SMG6: variants seen among roughly 807,000 people sequenced by gnomAD.
The protein encoded by SMG6 is telomerase-binding protein EST1A.
Under a neutral mutation model 142.2 loss-of-function variants are expected in SMG6, and 66 were observed. The observed-to-expected ratio is 0.46, with a 90% CI of 0.38 to 0.57. The LOEUF (loss-of-function observed/expected upper bound fraction) is 0.57, where lower values mean the gene tolerates loss of function less well. Ranked by LOEUF, SMG6 falls within the 20% of genes least tolerant of loss-of-function variation. SMG6 has a pLI of 0.00. For missense variants in SMG6, 1,793 were observed against 1,832.0 expected (o/e 0.98, Z 0.39); for synonymous variants, 779 against 702.4 (o/e 1.11, Z -1.72).
intron 10 of SMG6, chr17:2,235,695 AAAT>A (rs1347550413): frequency 2.0e-5 from 3 of 152,630 alleles, no homozygotes. Flanking sequence ...CAGACACAGA[AAAT>A]AATGTCATCC....
chr17:2,293,448 T>C (rs1485197692), intron 4 of SMG6, among the ~76,000 whole-genome samples: 3 of 135,800 alleles, frequency 2.2e-5, no homozygotes, highest in African/African-American at 7.7e-5. Context: ...ATGAAAACAA[T>C]TGTTTACTCT....
intron 16 of SMG6, 124 bp from the exon 17 acceptor site, chr17:2,065,803 C>T: frequency 1.2e-6 from 1 of 809,764 alleles, no homozygotes; most frequent in South Asian, 1.7e-5. Context: ...CCACAGGAGT[C>T]TTCCAATGAA....
At chr17:2,269,168 C>T (rs1306685238) in intron 8 of SMG6, among the ~76,000 whole-genome samples, 1 of 143,214 alleles carries the variant, frequency 7.0e-6, no homozygotes, top group African/African-American at 2.6e-5. Context: ...TGCAGTGAGC[C>T]GAGATCGCAG....
intron 8 of SMG6, among the ~76,000 whole-genome samples, chr17:2,274,497 G>A (rs62066960): frequency 0.023 from 3,496 of 152,270 alleles, 55 homozygotes; most frequent in East Asian, 0.074. Context: ...CAAAAGGAGA[G>A]AGAACAAGGT....
intron 18 of SMG6, 39 bp from the exon 19 acceptor site, chr17:2,061,661 A>G: frequency 6.4e-7 from 1 of 1,551,922 alleles, no homozygotes; most frequent in Non-Finnish European, 8.7e-7. Flanking sequence ...CACTGAGGAC[A>G]GGAGGCAGAG....
In SMG6 at chr17:2,236,554, C is replaced by T. The variant is rs764863032; in HGVS notation, c.2807G>A (p.Ser936Asn). The change falls in exon 10 of 19, where the codon AGT becomes AAT. Residue 936 changes from serine to asparagine, a missense_variant. Around this residue, in one of 3 missense-constraint regions of SMG6, gnomAD observed 1,597 missense variants for 1,584.6 expected, o/e 1.01. Transcript: ENST00000263073. ...GGTCATAAGCTGCAGCATGCGGGTA[C>T]TTCCAATGGGAGAGGGGCTGTGCTG... ...LLQHSPSPIG[S>N]TRMLQLMTIN... 7 of 1,613,578 alleles carry T rather than the reference C, an allele frequency of 4.3e-6. No homozygotes were observed. The Admixed American group carries it at 6.7e-5, about 15-fold the overall frequency.
In SMG6 at chr17:2,189,131, C is replaced by T. The variant is rs556970775; in HGVS notation, c.2870-616G>A. Among the ~76,000 whole-genome samples the T allele has an allele frequency of 3.7e-4, 56 of 152,294 alleles. 3 individuals carry two copies. In the South Asian group the frequency reaches 8.1e-3, roughly 22 times the overall value. ...AGAACAGTGCTTGGCACATAATAAG[C>T]ACTTAATCAGTGTTGGCTTTTGTTT... On this transcript the variant is annotated intron_variant, in intron 10 of 18. Coordinates refer to ENST00000263073, the MANE Select transcript of SMG6 (RefSeq NM_017575.5).
intron 12 of SMG6, 185 bp from the exon 13 acceptor site, chr17:2,173,044 G>A: frequency 1.6e-6 from 1 of 614,584 alleles, no homozygotes; most frequent in South Asian, 2.0e-5. Context: ...TGAGGTATGT[G>A]TATGTGGATT....
Position 2,185,039 on chromosome 17 carries a change from G to C in SMG6, c.3155+1624C>G, listed in dbSNP as rs541124722. On this transcript the variant is annotated intron_variant, in intron 12 of 18. Transcript: ENST00000263073. Reference sequence around the variant, plus strand: ...ATGAAAACACAGACATACACTGAAAGAAACCTACTTGGGGACACATGAATC... The same window carrying C: ...ATGAAAACACAGACATACACTGAAACAAACCTACTTGGGGACACATGAATC... Among the ~76,000 whole-genome samples, 355 of 134,190 alleles carry C rather than the reference G, an allele frequency of 2.6e-3. 1 individual carries two copies. Among genetic ancestry groups the C allele is most frequent in the African/African-American group, 9.0e-3 (326 of 36,182 alleles). 88.0% of individuals were successfully genotyped at this position (134,190 alleles called of 152,430 possible).
intron 12 of SMG6, among the ~76,000 whole-genome samples, chr17:2,181,624 G>A (rs779039982): frequency 4.6e-5 from 7 of 152,306 alleles, no homozygotes; most frequent in African/African-American, 7.2e-5. Flanking sequence ...TGCTCTCCTC[G>A]TGAAGAAGTC....
chr17:2,247,218 G>T (rs1372903429), intron 8 of SMG6, among the ~76,000 whole-genome samples: 1 of 152,200 alleles, frequency 6.6e-6, no homozygotes, highest in Non-Finnish European at 1.5e-5. Flanking sequence ...CCTAACAAAT[G>T]ATGAAGCAAG....
Position 2,303,662 on chromosome 17 carries a change from G to C in SMG6, c.59C>G (p.Ala20Gly), listed in dbSNP as rs1482750051. The C allele has an allele frequency of 4.7e-6, 7 of 1,493,020 alleles. No individual in the cohort carries two copies. The highest frequency in any genetic ancestry group is 5.3e-6 in the Non-Finnish European group (6 of 1,128,000). The allele number at this position is 1,493,020 out of a possible 1,614,324, so 92.5% of individuals were successfully genotyped here. A position where few individuals can be genotyped will look rare whatever the true frequency, so the allele number is the denominator to read the frequency against. The change falls in exon 1 of 19, where the codon GCT becomes GGT. Residue 20 changes from alanine to glycine, a missense_variant. Ala to Gly is a moderately conservative substitution (Grantham distance 60). Coordinates refer to ENST00000263073, the MANE Select transcript of SMG6 (RefSeq NM_017575.5). ...ISASELRGILATLAPQAGSRE... is the reference protein window; with the variant it reads ...ISASELRGILGTLAPQAGSRE... ...GCTCCCGGCCTGCGGGGCCAGAGTA[G>C]CCAGGATCCCGCGCAGCTCCGACGC...
chr17:2,087,048 A>ATC lies in SMG6; in HGVS notation c.3358-1149_3358-1148dup, dbSNP rs1431751913. 1.2e-5 allele frequency: 16 copies of ATC among 1,290,362 alleles called. No individual in the cohort carries two copies. The Admixed American group carries it at 3.7e-4, about 30-fold the overall frequency. The allele number at this position is 1,290,362 out of a possible 1,614,324, so 79.9% of individuals were successfully genotyped here. On this transcript the variant is annotated intron_variant, in intron 13 of 18. Transcript: ENST00000263073. ...GGAACTTCACAGTAATAAGCCTTCTATCTGCAGCACATAGGGAAGTACTAA... is the reference window on the plus strand; with the variant it reads ...GGAACTTCACAGTAATAAGCCTTCTATCTCTGCAGCACATAGGGAAGTACTAA...
intron 8 of SMG6, 67 bp from the exon 9 acceptor site, chr17:2,244,786 T>A (rs1274888263): frequency 2.2e-6 from 3 of 1,353,452 alleles, no homozygotes; most frequent in Non-Finnish European, 3.2e-6. Flanking sequence ...CTGAACAGAG[T>A]CCCCAGTGAC....
At chr17:2,278,698 G>A (rs979241573) in intron 8 of SMG6, among the ~76,000 whole-genome samples, 2 of 151,950 alleles carry the variant, frequency 1.3e-5, no homozygotes, top group South Asian at 2.1e-4. Context: ...AATGTTTGAC[G>A]TGACAGACAT....
intron 10 of SMG6, among the ~76,000 whole-genome samples, chr17:2,196,090 G>A (rs935371358): frequency 4.6e-5 from 7 of 152,100 alleles, no homozygotes; most frequent in African/African-American, 1.4e-4. Flanking sequence ...CAGAACGTAC[G>A]GAAACGCTAT....
intron 13 of SMG6, among the ~76,000 whole-genome samples, chr17:2,153,080 A>C (rs1402787123): frequency 6.6e-6 from 1 of 152,276 alleles, no homozygotes; most frequent in Non-Finnish European, 1.5e-5. Context: ...CAGACTCAAG[A>C]GCTCTATATC....
chr17:2,100,995 T>C (rs2068992251), intron 13 of SMG6: 1 of 152,228 alleles, frequency 6.6e-6, no homozygotes, highest in Non-Finnish European at 1.5e-5. Flanking sequence ...CACTGAGTTT[T>C]AGAATTACTG....
intron 10 of SMG6, among the ~76,000 whole-genome samples, chr17:2,197,715 A>G (rs553152430): frequency 6.6e-6 from 1 of 152,354 alleles, no homozygotes; most frequent in East Asian, 1.9e-4. Flanking sequence ...AATAGAAAAT[A>G]AGCACAAGCA....
Sources: allele counts gnomAD v4.1 joint callset (sites outside exome capture counted in the v4.1 genomes callset), GRCh38; gene constraint gnomAD v4.1.1; regional missense constraint gnomAD v4.1.1; transcripts MANE v1.5; gene names NCBI Gene and HGNC (gene_info 2026-07-23, HGNC 2026-07-21).